The following ADGB variants were observed in gnomAD, a reference collection of about 807,000 sequenced individuals.
The protein encoded by ADGB is calpain-7-like protein.
Under a neutral mutation model 210.5 loss-of-function variants are expected in ADGB, and 172 were observed. That is an observed-to-expected ratio of 0.82 (90% CI 0.72 to 0.93). The LOEUF (loss-of-function observed/expected upper bound fraction) is 0.93. ADGB is among the 40% of genes least tolerant of loss of function. The probability of loss-of-function intolerance (pLI) is 0.00; values close to 1 mark genes in which losing one functional copy is unlikely to be tolerated. For missense variants in ADGB, 2,025 were observed against 1,964.8 expected (o/e 1.03, Z -0.58); for synonymous variants, 658 against 662.7 (o/e 0.99, Z 0.11).
intron 3 of ADGB, among the ~76,000 whole-genome samples, chr6:146,650,543 T>G (rs2114878180): frequency 7.0e-6 from 1 of 143,736 alleles, no homozygotes; most frequent in African/African-American, 2.6e-5. Context: ...TGTTTTTTTT[T>G]TTCCTGCACA....
intron 3 of ADGB, among the ~76,000 whole-genome samples, chr6:146,647,578 A>G (rs1775639153): frequency 1.3e-5 from 2 of 152,100 alleles, no homozygotes; most frequent in African/African-American, 2.4e-5. Flanking sequence ...AGAGCACAGA[A>G]TCAAGTTATA....
chr6:146,724,399 G>T (rs1380916005), intron 18 of ADGB, 72 bp downstream of exon 18: 2 of 1,419,446 alleles, frequency 1.4e-6, no homozygotes, highest in Non-Finnish European at 1.9e-6. Context: ...TACTAAAGAA[G>T]TAAACAATAT....
rs61748896 is a variant in ADGB at position 146,716,953 on chromosome 6, G to A, written c.1812G>A (p.Glu604=). The A allele has an allele frequency of 1.3e-4, 201 of 1,551,376 alleles. 1 individual carries two copies. Among genetic ancestry groups the A allele is most frequent in the Non-Finnish European group, 1.3e-4 (147 of 1,146,950 alleles). Residue 604 remains glutamate (E), a synonymous_variant, in exon 15 of 36, where the codon GAG becomes GAA. Coordinates refer to ENST00000397944, the MANE Select transcript of ADGB (RefSeq NM_024694.4). The part of the protein sequence containing the change: ...HQSDGLNLER[E]IVSQTTATQE... ...GTGATGGATTAAACTTGGAAAGAGA[G>A]ATAGTCAGCCAGACCACAGCAACAC...
intron 11 of ADGB, among the ~76,000 whole-genome samples, 161 bp downstream of exon 11, chr6:146,691,451 TATATATAAAA>T (rs1562275591): frequency 2.0e-4 from 4 of 19,952 alleles, no homozygotes; most frequent in African/African-American, 1.2e-3. Context: ...TAAAAATATA[TATATATAAAA>T]ATATATATAT....
intron 35 of ADGB, among the ~76,000 whole-genome samples, chr6:146,806,176 G>T (rs1469001258): frequency 2.0e-5 from 3 of 152,210 alleles, no homozygotes; most frequent in Non-Finnish European, 4.4e-5. Flanking sequence ...AATAAATGCA[G>T]CAGATAGGAA....
intron 12 of ADGB, among the ~76,000 whole-genome samples, chr6:146,694,585 T>C (rs1776379383): frequency 6.6e-6 from 1 of 152,202 alleles, no homozygotes; most frequent in South Asian, 2.1e-4. Context: ...AGTAGTGTGT[T>C]CTGTTGATGT....
At position 146,664,296 on chromosome 6, in the gene ADGB, G is replaced by C; in HGVS notation, c.708G>C (p.Trp236Cys). 4 of 1,549,616 alleles carry C rather than the reference G, an allele frequency of 2.6e-6. No homozygotes were observed. The highest frequency in any genetic ancestry group is 3.5e-6 in the Non-Finnish European group (4 of 1,145,992). Residue 236 changes from tryptophan to cysteine, a missense_variant, in exon 6 of 36, where the codon TGG becomes TGC. Transcript: ENST00000397944. ...CTACAACTTATGAATTTGAACTGTG[G>C]CCAATGCTTTTGTCTAAAGCTATTA... ...LPATTYEFEL[W>C]PMLLSKAIIK...
intron 3 of ADGB, among the ~76,000 whole-genome samples, chr6:146,648,193 T>G (rs1365681516): frequency 6.6e-6 from 1 of 152,148 alleles, no homozygotes; most frequent in Non-Finnish European, 1.5e-5. Flanking sequence ...TATATAAATC[T>G]ATCTCTCTTT....
intron 1 of ADGB, among the ~76,000 whole-genome samples, chr6:146,629,805 C>A (rs1265328139): frequency 1.5e-4 from 23 of 152,146 alleles, no homozygotes; most frequent in Non-Finnish European, 1.5e-5. Flanking sequence ...TTCTAGTCAT[C>A]CTTACTCCTT....
At chr6:146,651,215 C>T (rs574084267) in intron 3 of ADGB, among the ~76,000 whole-genome samples, 7 of 152,294 alleles carry the variant, frequency 4.6e-5, no homozygotes, top group South Asian at 4.1e-4. Flanking sequence ...TGCAAGTGGC[C>T]CCTGCCCTGC....
chr6:146,717,459 G>C, intron 15 of ADGB, 77 bp from the exon 16 acceptor site: 2 of 778,592 alleles, frequency 2.6e-6, no homozygotes, highest in Non-Finnish European at 3.9e-6. Context: ...ACAATAATTT[G>C]ATTATAAGAA....
At chr6:146,785,458 A>T (rs1226689952) in intron 31 of ADGB, among the ~76,000 whole-genome samples, 152 bp from the exon 32 acceptor site, 5 of 152,194 alleles carry the variant, frequency 3.3e-5, no homozygotes, top group Non-Finnish European at 5.9e-5. Flanking sequence ...TTTATCTGAT[A>T]ATGAAGAAGA....
chr6:146,666,961 A>G, intron 7 of ADGB, 59 bp downstream of exon 7: 1 of 1,328,602 alleles, frequency 7.5e-7, no homozygotes, highest in Non-Finnish European at 1.0e-6. Flanking sequence ...AGATTTCTTT[A>G]AAATATTCCT....
At chr6:146,691,477 A>AAAAAAAT (rs1342320983) in intron 11 of ADGB, among the ~76,000 whole-genome samples, 187 bp downstream of exon 11, 1 of 18,568 alleles carries the variant, frequency 5.4e-5, no homozygotes, top group African/African-American at 4.3e-4. Context: ...TATATATATA[A>AAAAAAAT]ATATATATAT....
chr6:146,706,657 C>T (rs1183865712), intron 13 of ADGB, among the ~76,000 whole-genome samples: 2 of 151,944 alleles, frequency 1.3e-5, no homozygotes, highest in Non-Finnish European at 2.9e-5. Flanking sequence ...TTTGTTTCTT[C>T]TAGGTTATCC....
At position 146,784,818 on chromosome 6, in the gene ADGB, C is replaced by T. The variant is rs1777850436; in HGVS notation, c.4212+24C>T. The T allele has an allele frequency of 3.3e-6, 5 of 1,536,134 alleles. No individual in the cohort carries two copies. The Admixed American group carries it at 1.0e-4, about 32-fold the overall frequency. On this transcript the variant is annotated intron_variant, in intron 31 of 35. Coordinates refer to ENST00000397944, the MANE Select transcript of ADGB (RefSeq NM_024694.4). ...AGGTCACCTGATTTCGAAAAGCTGT[C>T]ATCTTTTACTTTTCCTCCTTAGGCA...
At chr6:146,740,668 T>G in intron 24 of ADGB, 75 bp downstream of exon 24, 1 of 1,439,530 alleles carries the variant, frequency 6.9e-7, no homozygotes, top group Non-Finnish European at 9.3e-7. Context: ...TTTCTGATAG[T>G]AGTAAAGGTA....
chr6:146,812,201 A>C (rs1464073888), intron 35 of ADGB, among the ~76,000 whole-genome samples: 1 of 152,044 alleles, frequency 6.6e-6, no homozygotes, highest in East Asian at 1.9e-4. Flanking sequence ...TATTTAAGAG[A>C]TTGAGTTTTA....
At chr6:146,679,286 A>G (rs1366970087) in intron 9 of ADGB, among the ~76,000 whole-genome samples, 1 of 152,148 alleles carries the variant, frequency 6.6e-6, no homozygotes, top group African/African-American at 2.4e-5. Flanking sequence ...CTTCTCACAT[A>G]TATGTTCAAT....
Sources: gnomAD v4.1 joint callset for allele counts (sites outside exome capture counted in the v4.1 genomes callset) on GRCh38, gnomAD v4.1.1 for gene constraint, MANE v1.5 for transcripts, NCBI Gene and HGNC (gene_info 2026-07-23, HGNC 2026-07-21) for gene names.